GABRB2: variants seen among roughly 807,000 people sequenced by gnomAD.
GABRB2 encodes gamma-aminobutyric acid receptor subunit beta-2.
A neutral mutation model predicts 54.7 loss-of-function variants in GABRB2; 16 were observed. That is an observed-to-expected ratio of 0.29 (90% CI 0.20 to 0.44). The LOEUF (loss-of-function observed/expected upper bound fraction) is 0.44, where lower values mean the gene tolerates loss of function less well. Ranked by LOEUF, GABRB2 falls within the 20% of genes least tolerant of loss-of-function variation. The pLI, the probability that GABRB2 is intolerant of heterozygous loss-of-function variation, is 1.00. For missense variants in GABRB2, 355 were observed against 644.0 expected, an observed-to-expected ratio of 0.55 and a Z score of 4.86; for synonymous variants, 244 against 233.8, an observed-to-expected ratio of 1.04 and a Z score of -0.40.
At chr5:161,465,541 T>C (rs967155874) in intron 3 of GABRB2, among the ~76,000 whole-genome samples, 14 of 152,264 alleles carry the variant, frequency 9.2e-5, no homozygotes, top group African/African-American at 2.9e-4. Flanking sequence ...ATTGTCTTTA[T>C]AGTTTGTTTT....
chr5:161,452,693 T>A (rs553359850), intron 4 of GABRB2, among the ~76,000 whole-genome samples: 8 of 146,932 alleles, frequency 5.4e-5, no homozygotes, highest in African/African-American at 1.7e-4. Context: ...GAACCTAAAA[T>A]TTTTTTTTTT....
chr5:161,306,422 T>C (rs1261948683), intron 9 of GABRB2, among the ~76,000 whole-genome samples: 1 of 152,230 alleles, frequency 6.6e-6, no homozygotes, highest in Admixed American at 6.5e-5. Context: ...AGAGATATTT[T>C]TTTCCATATA....
intron 9 of GABRB2, among the ~76,000 whole-genome samples, chr5:161,305,165 C>T (rs1055182406): frequency 2.0e-4 from 30 of 150,978 alleles, no homozygotes; most frequent in African/African-American, 6.6e-4. Flanking sequence ...TACAGGCGCC[C>T]GCCACCGCGC....
At chr5:161,459,884 C>A in intron 3 of GABRB2, 40 bp from the exon 4 acceptor site, 1 of 1,203,430 alleles carries the variant, frequency 8.3e-7, no homozygotes, top group Non-Finnish European at 1.2e-6. Flanking sequence ...AGTTTACACC[C>A]AGACAGATCT....
At chr5:161,339,910 C>T (rs932508977) in intron 5 of GABRB2, among the ~76,000 whole-genome samples, 3 of 151,874 alleles carry the variant, frequency 2.0e-5, no homozygotes, top group Non-Finnish European at 2.9e-5. Flanking sequence ...GCATTCCCTG[C>T]CCCACCATTA....
chr5:161,462,231 T>A (rs745618831), intron 3 of GABRB2, among the ~76,000 whole-genome samples: 2 of 152,188 alleles, frequency 1.3e-5, no homozygotes, highest in Non-Finnish European at 2.9e-5. Context: ...CATTCTGGAC[T>A]GTTCTGCAGC....
At position 161,371,778 on chromosome 5, in the gene GABRB2, T is replaced by C. The variant is rs139799955; in HGVS notation, c.542-35009A>G. Among the ~76,000 whole-genome samples, 121 of 151,896 alleles carry C rather than the reference T, an allele frequency of 8.0e-4. No homozygotes were observed. The East Asian group carries it at 8.5e-3, about 11-fold the overall frequency. On this transcript the variant is annotated intron_variant, in intron 5 of 9. Transcript: ENST00000393959. Reference sequence around the variant, plus strand: ...ACTCTGTAGCCCAGGCTGGAGTGCATTGGGGCAATCACAGCTCACTGCAGC... The same window carrying C: ...ACTCTGTAGCCCAGGCTGGAGTGCACTGGGGCAATCACAGCTCACTGCAGC...
intron 3 of GABRB2, among the ~76,000 whole-genome samples, chr5:161,535,710 A>G (rs1176720513): frequency 6.6e-6 from 1 of 152,218 alleles, no homozygotes; most frequent in Non-Finnish European, 1.5e-5. Flanking sequence ...CATTAACACA[A>G]TACCTGCACA....
chr5:161,465,017 C>T (rs993053598), intron 3 of GABRB2, among the ~76,000 whole-genome samples: 3 of 151,890 alleles, frequency 2.0e-5, no homozygotes, highest in African/African-American at 7.3e-5. Context: ...AACTGTATAC[C>T]AAAGCGAGTG....
chr5:161,438,411 CT>C (rs1757370384), intron 4 of GABRB2, among the ~76,000 whole-genome samples: 1 of 152,116 alleles, frequency 6.6e-6, no homozygotes, highest in Non-Finnish European at 1.5e-5. Flanking sequence ...TCTGGAAAGC[CT>C]CCCCAAGAGA....
intron 8 of GABRB2, chr5:161,326,895 G>T: frequency 1.4e-6 from 1 of 694,762 alleles, no homozygotes; most frequent in Non-Finnish European, 1.8e-6. Context: ...AGAATAACTT[G>T]ATTCTCAAAT....
chr5:161,429,499 G>C (rs185597490), intron 4 of GABRB2, among the ~76,000 whole-genome samples: 2 of 152,124 alleles, frequency 1.3e-5, no homozygotes, highest in African/African-American at 4.8e-5. Flanking sequence ...GTTTAGCCTG[G>C]AGGGATAACC....
rs146806361 is a variant in GABRB2, at chr5:161,344,742, C to T, written c.542-7973G>A. On this transcript the variant is annotated intron_variant, in intron 5 of 9. Coordinates refer to ENST00000393959, the MANE Select transcript of GABRB2 (RefSeq NM_001371727.1). ...TCATTCTACTATAAAGACACATGTA[C>T]GCATATGTTTATTGCAGCACTGTAC... Among the ~76,000 whole-genome samples the T allele has an allele frequency of 3.7e-3, 561 of 152,072 alleles. 1 individual carries two copies. The highest frequency in any genetic ancestry group is 0.012 in the African/African-American group (489 of 41,506).
At chr5:161,357,052 A>G (rs1754653227) in intron 5 of GABRB2, among the ~76,000 whole-genome samples, 1 of 152,242 alleles carries the variant, frequency 6.6e-6, no homozygotes, top group African/African-American at 2.4e-5. Context: ...TGGGCTATGG[A>G]TAACAGGAGT....
At position 161,546,404 on chromosome 5, in the gene GABRB2, G is replaced by T. The variant is rs772044163; in HGVS notation, c.87C>A (p.Asp29Glu). 1.2e-6 allele frequency: 2 copies of T among 1,613,556 alleles called. No individual in the cohort carries two copies. Among genetic ancestry groups the T allele is most frequent in the African/African-American group, 2.7e-5 (2 of 74,898 alleles). The part of the protein sequence containing the change: ...IAAVCAQSVN[D>E]PSNMSLVKET... The stretch of plus-strand genomic sequence containing the variant: ...CTTTAACCAGCGACATATTACTAGG[G>T]TCATTGACACTAAAGAAAGAAATGA... The change falls in exon 2 of 10, where the codon GAC becomes GAA. Residue 29 changes from aspartate to glutamate, a missense_variant. By Grantham distance (45) the Asp-to-Glu change is conservative. Around this residue, in one of 6 missense-constraint regions of GABRB2, gnomAD observed 42 missense variants for 43.0 expected, o/e 0.98. Transcript: ENST00000393959.
chr5:161,516,281 A>G (rs1581050960), intron 3 of GABRB2, among the ~76,000 whole-genome samples: 4 of 152,172 alleles, frequency 2.6e-5, no homozygotes, highest in African/African-American at 7.2e-5. Flanking sequence ...ACCTGAAAGA[A>G]ACTATGCTAA....
chr5:161,438,917 C>G (rs1472879659), intron 4 of GABRB2, among the ~76,000 whole-genome samples: 1 of 151,858 alleles, frequency 6.6e-6, no homozygotes, highest in Non-Finnish European at 1.5e-5. Context: ...CTCAAACAGC[C>G]TAAAAAGGGC....
intron 3 of GABRB2, among the ~76,000 whole-genome samples, chr5:161,499,129 T>C (rs1396856255): frequency 6.6e-6 from 1 of 152,164 alleles, no homozygotes; most frequent in African/African-American, 2.4e-5. Context: ...ACCCACTTTA[T>C]GCACTCTTCA....
At chr5:161,349,835 G>T (rs6886692) in intron 5 of GABRB2, among the ~76,000 whole-genome samples, 2 of 152,044 alleles carry the variant, frequency 1.3e-5, no homozygotes, top group East Asian at 3.9e-4. Context: ...GCTTTCAAAC[G>T]AGACCATAGC....
Sources: allele counts gnomAD v4.1 joint callset (sites outside exome capture counted in the v4.1 genomes callset), GRCh38; gene constraint gnomAD v4.1.1; regional missense constraint gnomAD v4.1.1; transcripts MANE v1.5; gene names NCBI Gene and HGNC (gene_info 2026-07-23, HGNC 2026-07-21).